ARL6IP5: variants seen among roughly 807,000 people sequenced by gnomAD.
The protein encoded by ARL6IP5 is PRA1 family protein 3.
Under a neutral mutation model 13.0 loss-of-function variants are expected in ARL6IP5, and 6 were observed. The ratio of observed to expected loss-of-function variants is 0.46; its 90% confidence interval spans 0.25 to 0.91. The LOEUF (loss-of-function observed/expected upper bound fraction) is 0.91, where lower values mean the gene tolerates loss of function less well. Among genes scored for constraint, ARL6IP5 ranks in the 40% least tolerant of loss-of-function variants. The probability of loss-of-function intolerance (pLI) is 0.17; values close to 1 mark genes in which losing one functional copy is unlikely to be tolerated. For missense variants in ARL6IP5, 208 were observed against 248.8 expected (o/e 0.84, Z 1.10); for synonymous variants, 91 against 91.9 (o/e 0.99, Z 0.06).
At position 69,101,933 on chromosome 3, in the gene ARL6IP5, C is replaced by T. The variant is rs755128182; in HGVS notation, c.271C>T (p.Arg91Cys). Residue 91 changes from arginine (R) to cysteine (C), a missense_variant, in exon 2 of 3, where the codon CGC becomes TGC. Arg to Cys is a radical substitution (Grantham distance 180, BLOSUM62 -3). Transcript: ENST00000273258. ...VWAAHNKDVLRRMKKRYPTTF... is the reference protein window; with the variant it reads ...VWAAHNKDVLCRMKKRYPTTF... Reference sequence around the variant, plus strand: ...GGCAGCCCACAATAAAGACGTCCTTCGCCGGATGAAGAAGCGCTACCCCAC... The same window carrying T: ...GGCAGCCCACAATAAAGACGTCCTTTGCCGGATGAAGAAGCGCTACCCCAC... The T allele has an allele frequency of 9.9e-6, 16 of 1,613,936 alleles. No homozygotes were observed. The highest frequency in any genetic ancestry group is 4.4e-5 in the South Asian group (4 of 91,064).
intron 1 of ARL6IP5, among the ~76,000 whole-genome samples, chr3:69,099,205 T>C (rs2092296969): frequency 6.6e-6 from 1 of 150,710 alleles, no homozygotes. Flanking sequence ...ACCCCGTCTT[T>C]ACTAAAAATA....
Position 69,084,971 on chromosome 3 carries a change from T to G in ARL6IP5, c.-77T>G, listed in dbSNP as rs146642345. ...ACCGAGACGGAGCCGCTGTCAACTC[T>G]CCAACTCAGCTCAGCTGATCGGTTG... On this transcript the variant is annotated 5_prime_UTR_variant, in exon 1 of 3. Coordinates refer to ENST00000273258, the MANE Select transcript of ARL6IP5 (RefSeq NM_006407.4). 6.5e-3 allele frequency: 10,078 copies of G among 1,557,210 alleles called. 29 individuals carry two copies. The highest frequency in any genetic ancestry group is 7.9e-3 in the Non-Finnish European group (9,052 of 1,151,180).
Position 69,101,901 on chromosome 3 carries a change from T to C in ARL6IP5, c.239T>C (p.Phe80Ser). Residue 80 changes from phenylalanine (F) to serine (S), a missense_variant, in exon 2 of 3, where the codon TTT becomes TCT. Coordinates refer to ENST00000273258, the MANE Select transcript of ARL6IP5 (RefSeq NM_006407.4). ...GTGGTGGTGCTGGTGTTCACAGGGT[T>C]TGTGTGGGCAGCCCACAATAAAGAC... ...GIVVVLVFTG[F>S]VWAAHNKDVL... 1 of 1,614,106 alleles carries C rather than the reference T, an allele frequency of 6.2e-7. No homozygotes were observed. The highest frequency in any genetic ancestry group is 8.5e-7 in the Non-Finnish European group (1 of 1,180,020).
chr3:69,092,391 A>G (rs1449409587), intron 1 of ARL6IP5, among the ~76,000 whole-genome samples: 1 of 152,182 alleles, frequency 6.6e-6, no homozygotes, highest in Non-Finnish European at 1.5e-5. Context: ...TGTGTTACCA[A>G]GCTCGTTAGC....
intron 1 of ARL6IP5, among the ~76,000 whole-genome samples, chr3:69,092,873 C>A (rs2092273651): frequency 6.8e-6 from 1 of 146,672 alleles, no homozygotes; most frequent in African/African-American, 2.5e-5. Flanking sequence ...AGTTTGTAAA[C>A]AAATATCTTT....
chr3:69,085,067 C>T lies in ARL6IP5; in HGVS notation c.20C>T (p.Pro7Leu), dbSNP rs534878576. 1 of 1,614,062 alleles carries T rather than the reference C, an allele frequency of 6.2e-7. No homozygotes were observed. The highest frequency in any genetic ancestry group is 1.1e-5 in the South Asian group (1 of 91,082). The change falls in exon 1 of 3, where the codon CCA becomes CTA. Residue 7 changes from proline to leucine, a missense_variant. Coordinates refer to ENST00000273258, the MANE Select transcript of ARL6IP5 (RefSeq NM_006407.4). ...GAGAACATGGACGTTAATATCGCCC[C>T]ACTCCGCGCCTGGGACGATTTCTTC... MDVNIAPLRAWDDFFPG... is the reference protein window; with the variant it reads MDVNIALLRAWDDFFPG...
chr3:69,092,435 T>C (rs1227751364), intron 1 of ARL6IP5, among the ~76,000 whole-genome samples: 3 of 152,190 alleles, frequency 2.0e-5, no homozygotes, highest in African/African-American at 2.4e-5. Context: ...TCCACAGCTC[T>C]GTAAGAATTT....
intron 1 of ARL6IP5, among the ~76,000 whole-genome samples, chr3:69,094,066 C>G (rs901936669): frequency 1.3e-5 from 2 of 152,246 alleles, no homozygotes; most frequent in East Asian, 3.9e-4. Flanking sequence ...TGCAAAGTAT[C>G]CTCTCTGCCT....
At chr3:69,099,926 CTTCTTA>C (rs1246279950) in intron 1 of ARL6IP5, 1 of 152,734 alleles carries the variant, frequency 6.5e-6, no homozygotes. Flanking sequence ...TAAATTTCTT[CTTCTTA>C]TTATCATTAT....
At chr3:69,091,259 G>T (rs987072917) in intron 1 of ARL6IP5, among the ~76,000 whole-genome samples, 3 of 152,108 alleles carry the variant, frequency 2.0e-5, no homozygotes, top group African/African-American at 7.2e-5. Context: ...AATAACCTCT[G>T]ACAGTGTATG....
intron 1 of ARL6IP5, among the ~76,000 whole-genome samples, chr3:69,099,561 G>A (rs1183956749): frequency 1.3e-5 from 2 of 152,072 alleles, no homozygotes; most frequent in Non-Finnish European, 2.9e-5. Flanking sequence ...GTTTCAGTAG[G>A]CAGAAACAGA....
intron 1 of ARL6IP5, among the ~76,000 whole-genome samples, chr3:69,095,651 C>G (rs1048628592): frequency 1.9e-4 from 29 of 152,062 alleles, no homozygotes; most frequent in African/African-American, 7.0e-4. Context: ...TGCGCCACCA[C>G]GCCCAGCTAA....
intron 2 of ARL6IP5, 26 bp downstream of exon 2, chr3:69,102,082 C>T (rs778465807): frequency 6.2e-7 from 1 of 1,600,082 alleles, no homozygotes; most frequent in East Asian, 2.2e-5. Flanking sequence ...TTTTTTCTTC[C>T]ATCATCAAAA....
intron 2 of ARL6IP5, 136 bp downstream of exon 2, chr3:69,102,192 C>A: frequency 1.1e-6 from 1 of 899,960 alleles, no homozygotes; most frequent in Non-Finnish European, 1.7e-6. Flanking sequence ...CAGCTTTCTA[C>A]TTGTTATCCA....
Position 69,105,041 on chromosome 3 carries a change from A to C in ARL6IP5, c.*405A>C. The C allele has an allele frequency of 1.6e-6, 1 of 612,814 alleles. No individual in the cohort carries two copies. The highest frequency in any genetic ancestry group is 2.9e-6 in the Non-Finnish European group (1 of 347,296). The allele number at this position is 612,814 out of a possible 1,614,324, so 38.0% of individuals were successfully genotyped here. A position where few individuals can be genotyped will look rare whatever the true frequency, so the allele number is the denominator to read the frequency against. ...AAAGGCTGTTAAAGTAGATGACATC[A>C]TGTGTTAGCCTGTTCCTAATCCCCT... is the stretch of plus-strand genomic sequence containing the variant. On this transcript the variant is annotated 3_prime_UTR_variant, in exon 3 of 3. Transcript: ENST00000273258.
chr3:69,097,809 G>A (rs1266568557), intron 1 of ARL6IP5, among the ~76,000 whole-genome samples: 1 of 152,198 alleles, frequency 6.6e-6, no homozygotes, highest in Admixed American at 6.5e-5. Context: ...GGGCACTGGG[G>A]TGCTATAGAC....
chr3:69,087,012 A>T (rs2092250970), intron 1 of ARL6IP5, among the ~76,000 whole-genome samples: 1 of 151,660 alleles, frequency 6.6e-6, no homozygotes, highest in Non-Finnish European at 1.5e-5. Context: ...ATTTCTTTTT[A>T]AAAATTTTTA....
Position 69,104,968 on chromosome 3 carries a change from AGG to A in ARL6IP5, c.*333_*334del. The A allele has an allele frequency of 1.5e-6, 1 of 672,146 alleles. No homozygotes were observed. Among genetic ancestry groups the A allele is most frequent in the Admixed American group, 2.4e-5 (1 of 41,330 alleles). The allele number at this position is 672,146 out of a possible 1,614,324, so 41.6% of individuals were successfully genotyped here. A position where few individuals can be genotyped will look rare whatever the true frequency, so the allele number is the denominator to read the frequency against. On this transcript the variant is annotated 3_prime_UTR_variant, in exon 3 of 3. Coordinates refer to ENST00000273258, the MANE Select transcript of ARL6IP5 (RefSeq NM_006407.4). ...TACAGCAACAATACGATTATCTTATAGGAAAAAAAAAATCATTGTAAAGTATC... is the reference window on the plus strand; with the variant it reads ...TACAGCAACAATACGATTATCTTATAAAAAAAAAAATCATTGTAAAGTATC...
intron 1 of ARL6IP5, among the ~76,000 whole-genome samples, chr3:69,088,402 G>T (rs1376659082): frequency 6.6e-6 from 1 of 152,158 alleles, no homozygotes; most frequent in Non-Finnish European, 1.5e-5. Context: ...TCCATCCCCT[G>T]CTGGTGAGGA....
Sources: gnomAD v4.1 joint callset for allele counts (sites outside exome capture counted in the v4.1 genomes callset) on GRCh38, gnomAD v4.1.1 for gene constraint, MANE v1.5 for transcripts, NCBI Gene and HGNC (gene_info 2026-07-23, HGNC 2026-07-21) for gene names.